The following CCR3 variants were observed in gnomAD, a reference collection of about 807,000 sequenced individuals.
CCR3 encodes the protein C-C chemokine receptor type 3.
For synonymous variants in CCR3, 203 were observed against 179.2 expected, an observed-to-expected ratio of 1.13 and a Z score of -1.06; for missense variants, 419 against 437.5, an observed-to-expected ratio of 0.96 and a Z score of 0.38.
At chr3:46,214,873 A>G (rs1029870964) in intron 2 of CCR3, among the ~76,000 whole-genome samples, 1 of 152,140 alleles carries the variant, frequency 6.6e-6, no homozygotes, top group Non-Finnish European at 1.5e-5. Flanking sequence ...TGAATGAACC[A>G]AGAGCACATT....
At chr3:46,240,734 A>G (rs1027476447), upstream of CCR3, among the ~76,000 whole-genome samples, 5 of 152,082 alleles carry the variant, frequency 3.3e-5, no homozygotes, top group Non-Finnish European at 5.9e-5. Flanking sequence ...ACGTAGTCCT[A>G]ATTTATTTGC....
chr3:46,266,145 A>C lies in CCR3; in HGVS notation c.987A>C (p.Pro329=). 6.2e-7 allele frequency: 1 copy of C among 1,614,070 alleles called. No homozygotes were observed. Among genetic ancestry groups the C allele is most frequent in the Non-Finnish European group, 8.5e-7 (1 of 1,179,986 alleles). The part of the protein sequence containing the change: ...HLLMHLGRYI[P]FLPSEKLERT... Reference sequence around the variant, plus strand: ...TCATGCACCTGGGCAGATACATCCCATTCCTTCCTAGTGAGAAGCTGGAAA... The same window carrying C: ...TCATGCACCTGGGCAGATACATCCCCTTCCTTCCTAGTGAGAAGCTGGAAA... Residue 329 remains proline (P), a synonymous_variant, in exon 2 of 2, where the codon CCA becomes CCC. Coordinates refer to ENST00000395940, the MANE Select transcript of CCR3 (RefSeq NM_178329.3).
At chr3:46,230,393 C>T (rs571024949) in intron 2 of CCR3, among the ~76,000 whole-genome samples, 3 of 152,198 alleles carry the variant, frequency 2.0e-5, no homozygotes, top group South Asian at 4.2e-4. Flanking sequence ...AATACTCCAC[C>T]ACCCACCCCT....
chr3:46,255,246 G>C (rs892470515), intron 1 of CCR3, among the ~76,000 whole-genome samples: 1 of 151,780 alleles, frequency 6.6e-6, no homozygotes, highest in African/African-American at 2.4e-5. Flanking sequence ...GGGATTATTT[G>C]TTTTTTTCTT....
At chr3:46,236,529 A>G (rs1440916298) in intron 2 of CCR3, among the ~76,000 whole-genome samples, 1 of 152,244 alleles carries the variant, frequency 6.6e-6, no homozygotes, top group Non-Finnish European at 1.5e-5. Context: ...CAAACTGCCC[A>G]CAGGAAATGT....
intron 2 of CCR3, among the ~76,000 whole-genome samples, chr3:46,212,477 G>A (rs573738753): frequency 2.7e-5 from 4 of 145,682 alleles, no homozygotes; most frequent in African/African-American, 7.7e-5. Flanking sequence ...CCCCCTCTTG[G>A]CCCCCCTACC....
chr3:46,261,026 A>C (rs940959290), intron 1 of CCR3, among the ~76,000 whole-genome samples: 2 of 152,150 alleles, frequency 1.3e-5, no homozygotes, highest in Non-Finnish European at 1.5e-5. Flanking sequence ...TTCTATGTTC[A>C]TTTAACTTTT....
rs976941528 is a variant in CCR3, at chr3:46,256,512, G to A, written c.-11-8636G>A. Among the ~76,000 whole-genome samples, 11 of 152,144 alleles carry A rather than the reference G, an allele frequency of 7.2e-5. No homozygotes were observed. In the South Asian group the frequency reaches 2.3e-3, roughly 32 times the overall value. ...ACATTTATTTATATTCCTATAGGTG[G>A]ATTTATTTTGAAAAACTTATAAAAA... On this transcript the variant is annotated intron_variant, in intron 1 of 1. Transcript: ENST00000395940.
intron 2 of CCR3, among the ~76,000 whole-genome samples, chr3:46,236,910 G>A (rs1031980568): frequency 8.5e-5 from 13 of 152,240 alleles, no homozygotes; most frequent in African/African-American, 3.1e-4. Context: ...GCTGTAAGGG[G>A]AGACCTGAGG....
intron 2 of CCR3, among the ~76,000 whole-genome samples, chr3:46,236,932 G>T (rs1459759948): frequency 6.6e-6 from 1 of 152,212 alleles, no homozygotes; most frequent in African/African-American, 2.4e-5. Context: ...GAGAAAGGAG[G>T]CAGCTGCCTC....
intron 1 of CCR3, among the ~76,000 whole-genome samples, chr3:46,247,910 A>G (rs1008840194): frequency 5.9e-5 from 9 of 152,166 alleles, no homozygotes; most frequent in Admixed American, 2.0e-4. Flanking sequence ...AGAATAGCAG[A>G]TGGAACACTG....
intron 1 of CCR3, among the ~76,000 whole-genome samples, chr3:46,261,359 G>C (rs1271919452): frequency 6.6e-6 from 1 of 152,114 alleles, no homozygotes; most frequent in Non-Finnish European, 1.5e-5. Flanking sequence ...ACAGAAATAA[G>C]ATATCAATAG....
At chr3:46,214,148 T>C (rs781712378) in intron 2 of CCR3, among the ~76,000 whole-genome samples, 8 of 152,202 alleles carry the variant, frequency 5.3e-5, no homozygotes, top group Non-Finnish European at 8.8e-5. Flanking sequence ...TCACACCTTT[T>C]GCCTTTTCCT....
intron 2 of CCR3, among the ~76,000 whole-genome samples, chr3:46,223,660 T>A (rs1263552883): frequency 6.6e-6 from 1 of 152,142 alleles, no homozygotes; most frequent in Admixed American, 6.5e-5. Context: ...ATAAGTACAG[T>A]TTGACCTCTT....
At chr3:46,246,832 C>T (rs1050326618) in intron 1 of CCR3, among the ~76,000 whole-genome samples, 1 of 151,958 alleles carries the variant, frequency 6.6e-6, no homozygotes, top group African/African-American at 2.4e-5. Flanking sequence ...GGCGATGTTT[C>T]CCAGGGCTGC....
intron 2 of CCR3, among the ~76,000 whole-genome samples, chr3:46,226,695 G>A (rs1699900822): frequency 6.6e-6 from 1 of 152,080 alleles, no homozygotes; most frequent in South Asian, 2.1e-4. Flanking sequence ...TAGGAGTGGT[G>A]AGAGTAGACG....
chr3:46,236,817 C>G (rs1286136124), intron 2 of CCR3, among the ~76,000 whole-genome samples: 1 of 152,126 alleles, frequency 6.6e-6, no homozygotes, highest in South Asian at 2.1e-4. Context: ...GACACAATAG[C>G]ACATGGCTGA....
upstream of CCR3, among the ~76,000 whole-genome samples, chr3:46,241,793 G>A (rs924525383): frequency 1.3e-5 from 2 of 152,088 alleles, no homozygotes; most frequent in Admixed American, 6.5e-5. Flanking sequence ...AGAATAATTA[G>A]TTTATTCCTT....
At chr3:46,264,905 C>T (rs1700588171) in intron 1 of CCR3, among the ~76,000 whole-genome samples, 1 of 152,128 alleles carries the variant, frequency 6.6e-6, no homozygotes, top group African/African-American at 2.4e-5. Context: ...TTCACCACCA[C>T]CCCACAACAT....
Sources: allele counts gnomAD v4.1 joint callset (sites outside exome capture counted in the v4.1 genomes callset), GRCh38; gene constraint gnomAD v4.1.1; transcripts MANE v1.5; gene names NCBI Gene and HGNC (gene_info 2026-07-23, HGNC 2026-07-21).